The following SAMD12 variants were observed in gnomAD, a reference collection of about 807,000 sequenced individuals.
SAMD12 encodes the protein sterile alpha motif domain-containing protein 12.
A neutral mutation model predicts 15.0 loss-of-function variants in SAMD12; 9 were observed. That is an observed-to-expected ratio of 0.60 (90% CI 0.36 to 1.05). SAMD12 has a LOEUF of 1.05. Among genes scored for constraint, SAMD12 ranks in the 50% least tolerant of loss-of-function variants. SAMD12 has a pLI of 0.01. For synonymous variants in SAMD12, 86 were observed against 90.1 expected (o/e 0.96, Z 0.25); for missense variants, 230 against 234.2 (o/e 0.98, Z 0.12).
chr8:118,579,373 A>T (rs570327326), intron 2 of SAMD12, among the ~76,000 whole-genome samples: 1 of 152,118 alleles, frequency 6.6e-6, no homozygotes. Context: ...CTCATTTCCA[A>T]TGTTGTTCAC....
At chr8:118,528,175 C>A (rs1825582239) in intron 2 of SAMD12, among the ~76,000 whole-genome samples, 1 of 152,114 alleles carries the variant, frequency 6.6e-6, no homozygotes. Context: ...TACAGGCACT[C>A]GCCACCATAA....
intron 4 of SAMD12, among the ~76,000 whole-genome samples, chr8:118,360,751 A>G (rs1167366584): frequency 1.3e-5 from 2 of 152,216 alleles, no homozygotes; most frequent in Non-Finnish European, 2.9e-5. Flanking sequence ...CGTGCTAGGG[A>G]GGCATCAGTG....
At chr8:118,370,943 TAAAA>T (rs779229720) in intron 4 of SAMD12, among the ~76,000 whole-genome samples, 3 of 99,546 alleles carry the variant, frequency 3.0e-5, no homozygotes, top group African/African-American at 9.1e-5. Context: ...GGAACTTAAA[TAAAA>T]TTTTTTTTAA....
At chr8:118,139,622 A>T in the SAMD12 span, among the ~76,000 whole-genome samples, 7 of 152,112 alleles carry the variant, frequency 4.6e-5, no homozygotes, top group Non-Finnish European at 8.8e-5. Context: ...CCTCCCAAGT[A>T]GTTGGGATTA....
rs573079862 is a variant in SAMD12, at chr8:118,278,829, G to A, written c.434-81097C>T. On this transcript the variant is annotated intron_variant, in intron 4 of 4. Transcript: ENST00000409003. ...CGAATATGGCAGTACAAAGCGAAGG[G>A]AAGTAAAGGTGCATTGTTTCCATTA... 3.3e-5 allele frequency among the ~76,000 whole-genome samples: 5 copies of A among 152,282 alleles called. No homozygotes were observed. In the South Asian group the frequency reaches 1.0e-3, roughly 32 times the overall value.
intron 4 of SAMD12, among the ~76,000 whole-genome samples, chr8:118,351,184 G>A (rs1254393645): frequency 6.6e-6 from 1 of 152,118 alleles, no homozygotes; most frequent in Non-Finnish European, 1.5e-5. Flanking sequence ...AATATACTAA[G>A]TACAAGGAAG....
Position 118,381,263 on chromosome 8 carries a change from G to A in SAMD12, c.323-1563C>T, listed in dbSNP as rs562503755. Reference sequence around the variant, plus strand: ...GAGGTCTGAAGATTCAGTGGAACCTGCATTTGTAAGGGGAATCCTACATAA... The same window carrying A: ...GAGGTCTGAAGATTCAGTGGAACCTACATTTGTAAGGGGAATCCTACATAA... On this transcript the variant is annotated intron_variant, in intron 3 of 3. Coordinates refer to ENST00000314727, the MANE Select transcript of SAMD12 (RefSeq NM_207506.3). Among the ~76,000 whole-genome samples the A allele has an allele frequency of 4.6e-5, 7 of 152,304 alleles. No individual in the cohort carries two copies. In the East Asian group the frequency reaches 1.4e-3, roughly 29 times the overall value.
At chr8:118,456,661 G>T (rs1313092337) in intron 2 of SAMD12, among the ~76,000 whole-genome samples, 2 of 152,200 alleles carry the variant, frequency 1.3e-5, no homozygotes, top group Non-Finnish European at 2.9e-5. Context: ...CCCAGGAGTG[G>T]CCTTGTGGAT....
intron 2 of SAMD12, among the ~76,000 whole-genome samples, chr8:118,532,077 C>A (rs1048997196): frequency 5.9e-5 from 9 of 152,142 alleles, no homozygotes; most frequent in Non-Finnish European, 1.2e-4. Flanking sequence ...TCATAAATAG[C>A]TCTTATTATT....
At chr8:118,611,158 A>T (rs374759679) in intron 1 of SAMD12, among the ~76,000 whole-genome samples, 2 of 152,220 alleles carry the variant, frequency 1.3e-5, no homozygotes, top group African/African-American at 2.4e-5. Flanking sequence ...TCTACCTAGC[A>T]TATAGTAGGT....
the SAMD12 span, among the ~76,000 whole-genome samples, chr8:118,160,841 T>G: frequency 8.9e-3 from 1,362 of 152,308 alleles, 20 homozygotes; most frequent in African/African-American, 0.03. Flanking sequence ...GTGCACAACG[T>G]GCAGGTTTGT....
chr8:118,393,922 G>C (rs1030855657), intron 3 of SAMD12, among the ~76,000 whole-genome samples: 4 of 152,032 alleles, frequency 2.6e-5, no homozygotes, highest in Admixed American at 6.6e-5. Flanking sequence ...GATCTGAAAG[G>C]ATCACAAAGC....
chr8:118,344,336 T>C (rs897207583), intron 4 of SAMD12, among the ~76,000 whole-genome samples: 1 of 152,236 alleles, frequency 6.6e-6, no homozygotes, highest in African/African-American at 2.4e-5. Flanking sequence ...GCTTGTGTCG[T>C]AGGCCAACTT....
At chr8:118,453,835 A>C (rs1379265539) in intron 2 of SAMD12, among the ~76,000 whole-genome samples, 2 of 151,802 alleles carry the variant, frequency 1.3e-5, no homozygotes, top group Non-Finnish European at 2.9e-5. Flanking sequence ...TGGAGTATTT[A>C]ATTTCATTTC....
intron 2 of SAMD12, among the ~76,000 whole-genome samples, chr8:118,498,358 TAAG>T (rs1451976282): frequency 6.6e-6 from 1 of 152,198 alleles, no homozygotes; most frequent in Non-Finnish European, 1.5e-5. Context: ...AAATATAAAA[TAAG>T]AAAGTTAATA....
At chr8:118,284,611 T>C (rs986599009) in intron 4 of SAMD12, 5 of 244,872 alleles carry the variant, frequency 2.0e-5, no homozygotes, top group African/African-American at 4.7e-5. Flanking sequence ...TACAGCATCA[T>C]TGTTTTCTGG....
intron 2 of SAMD12, among the ~76,000 whole-genome samples, chr8:118,536,220 C>A (rs184331861): frequency 1.4e-3 from 218 of 152,182 alleles, no homozygotes; most frequent in Middle Eastern, 3.4e-3. Flanking sequence ...CCTGCCCACA[C>A]CCCCTCTATC....
intron 4 of SAMD12, among the ~76,000 whole-genome samples, chr8:118,265,739 G>A (rs758634178): frequency 1.3e-5 from 2 of 151,514 alleles, no homozygotes; most frequent in Non-Finnish European, 2.9e-5. Flanking sequence ...TCCATGAATG[G>A]GCATCAAGAG....
At chr8:118,258,481 T>C (rs1218266679) in intron 4 of SAMD12, among the ~76,000 whole-genome samples, 1 of 152,112 alleles carries the variant, frequency 6.6e-6, no homozygotes, top group African/African-American at 2.4e-5. Flanking sequence ...GCCTACTATG[T>C]GCCTGGCACC....
Sources: allele counts gnomAD v4.1 joint callset (sites outside exome capture counted in the v4.1 genomes callset), GRCh38; gene constraint gnomAD v4.1.1; transcripts MANE v1.5; gene names NCBI Gene and HGNC (gene_info 2026-07-23, HGNC 2026-07-21).